ZMYND11: variants seen among roughly 807,000 people sequenced by gnomAD.
ZMYND11 encodes the protein zinc finger MYND-type containing 11, also known as zinc finger MYND domain-containing protein 11.
Under a neutral mutation model 84.9 loss-of-function variants are expected in ZMYND11, and 9 were observed. That is an observed-to-expected ratio of 0.11 (90% CI 0.06 to 0.18). ZMYND11 has a LOEUF of 0.18. Ranked by LOEUF, ZMYND11 falls within the 10% of genes least tolerant of loss-of-function variation. The pLI is 1.00. For synonymous variants in ZMYND11, 250 were observed against 244.1 expected, an observed-to-expected ratio of 1.02 and a Z score of -0.23; for missense variants, 409 against 761.0, an observed-to-expected ratio of 0.54 and a Z score of 5.44.
At position 249,822 on chromosome 10, in the gene ZMYND11, A is replaced by T. The variant is rs12258751; in HGVS notation, c.1686+734A>T. 214 of 911,102 alleles carry T rather than the reference A, an allele frequency of 2.3e-4. No individual in the cohort carries two copies. The African/African-American group carries it at 3.6e-3, about 15-fold the overall frequency. 56.4% of individuals were successfully genotyped at this position (911,102 alleles called of 1,614,324 possible). ...CTTCATTTTATCAAGCCTATATTAT[A>T]TAAATACACATAAGCTTTTCATGAA... is the stretch of plus-strand genomic sequence containing the variant. On this transcript the variant is annotated intron_variant, in intron 14 of 14. Coordinates refer to ENST00000381604, the MANE Select transcript of ZMYND11 (RefSeq NM_001370100.5).
chr10:136,844 G>T (rs1554752337), intron 1 of ZMYND11, among the ~76,000 whole-genome samples: 2 of 151,916 alleles, frequency 1.3e-5, no homozygotes, highest in African/African-American at 4.8e-5. Flanking sequence ...GCCCTTACGC[G>T]GTTCCCGGTA....
At chr10:154,651 A>G (rs1245689755) in intron 1 of ZMYND11, among the ~76,000 whole-genome samples, 12 of 152,204 alleles carry the variant, frequency 7.9e-5, no homozygotes, top group Non-Finnish European at 1.5e-4. Flanking sequence ...CAAATACATA[A>G]CCTGCAAATA....
At chr10:156,192 A>G (rs1244460344) in intron 1 of ZMYND11, among the ~76,000 whole-genome samples, 1 of 152,204 alleles carries the variant, frequency 6.6e-6, no homozygotes, top group African/African-American at 2.4e-5. Context: ...CCCCACAACC[A>G]AGAACCATTG....
intron 1 of ZMYND11, among the ~76,000 whole-genome samples, chr10:167,638 T>A (rs1455204480): frequency 1.3e-5 from 2 of 152,148 alleles, no homozygotes; most frequent in African/African-American, 4.8e-5. Context: ...AAGGGCTCTG[T>A]ATTGCCAGTT....
chr10:230,344 G>A (rs1329485958), intron 4 of ZMYND11, among the ~76,000 whole-genome samples: 1 of 151,898 alleles, frequency 6.6e-6, no homozygotes, highest in Non-Finnish European at 1.5e-5. Flanking sequence ...ATGCTGGTGC[G>A]TGCCTGTAGT....
At chr10:238,305 A>G (rs2131707694) in intron 6 of ZMYND11, among the ~76,000 whole-genome samples, 1 of 152,256 alleles carries the variant, frequency 6.6e-6, no homozygotes, top group East Asian at 1.9e-4. Context: ...ACGCTTGGTC[A>G]TTATAGCCTA....
At chr10:172,312 C>T (rs890287165) in intron 1 of ZMYND11, among the ~76,000 whole-genome samples, 1 of 152,158 alleles carries the variant, frequency 6.6e-6, no homozygotes, top group Non-Finnish European at 1.5e-5. Flanking sequence ...AGAAATAAAA[C>T]TGTCTTTGTT....
intron 1 of ZMYND11, among the ~76,000 whole-genome samples, chr10:169,902 A>G (rs557460441): frequency 1.3e-5 from 2 of 152,038 alleles, no homozygotes; most frequent in South Asian, 2.1e-4. Context: ...ATGCTTGACA[A>G]TTTCACCAGT....
chr10:193,714 C>T (rs1325253556), intron 2 of ZMYND11, among the ~76,000 whole-genome samples: 1 of 152,200 alleles, frequency 6.6e-6, no homozygotes, highest in Non-Finnish European at 1.5e-5. Flanking sequence ...TTTATCACCC[C>T]AAAAGTTCTT....
chr10:238,227 T>C (rs1409901821), intron 6 of ZMYND11, among the ~76,000 whole-genome samples: 1 of 152,232 alleles, frequency 6.6e-6, no homozygotes, highest in Non-Finnish European at 1.5e-5. Context: ...CGTAGACATA[T>C]TTGCAGTCAG....
chr10:210,383 T>G (rs562123695), intron 3 of ZMYND11, among the ~76,000 whole-genome samples: 1 of 152,326 alleles, frequency 6.6e-6, no homozygotes, highest in Admixed American at 6.5e-5. Flanking sequence ...CAGATAATGT[T>G]GATGCCATCT....
intron 1 of ZMYND11, among the ~76,000 whole-genome samples, chr10:179,227 G>A (rs558367631): frequency 4.5e-4 from 69 of 152,180 alleles, no homozygotes; most frequent in African/African-American, 7.9e-4. Context: ...ACTGCTCTCC[G>A]GACATCCAGG....
intron 12 of ZMYND11, 111 bp from the exon 13 acceptor site, chr10:248,225 T>C (rs10903752): frequency 0.32 from 441,629 of 1,377,496 alleles, 72,952 homozygotes; most frequent in East Asian, 0.5. Context: ...AACAGCAGTT[T>C]ATTCTATGGC....
chr10:179,380 A>G (rs1226664945), intron 1 of ZMYND11, among the ~76,000 whole-genome samples: 6 of 152,170 alleles, frequency 3.9e-5, no homozygotes, highest in African/African-American at 1.4e-4. Context: ...TAATAGTGTA[A>G]TAAATACCCC....
rs371452810 is a variant in ZMYND11, at chr10:185,984, G to A, written c.116+5856G>A. ...ACTGGACACATCAGAATAAATGGCA[G>A]TATCATCTTCAAACACAGGATTCTT... is the stretch of plus-strand genomic sequence containing the variant. On this transcript the variant is annotated intron_variant, in intron 2 of 14. Coordinates refer to ENST00000381604, the MANE Select transcript of ZMYND11 (RefSeq NM_001370100.5). Among the ~76,000 whole-genome samples, 17 of 151,756 alleles carry A rather than the reference G, an allele frequency of 1.1e-4. No individual in the cohort carries two copies. The East Asian group carries it at 2.1e-3, about 19-fold the overall frequency.
intron 1 of ZMYND11, among the ~76,000 whole-genome samples, chr10:170,606 T>C (rs782438039): frequency 5.3e-5 from 8 of 152,134 alleles, no homozygotes; most frequent in Non-Finnish European, 1.2e-4. Flanking sequence ...AGCAGTATAA[T>C]GTTATTCGAA....
chr10:252,817 G>T lies in ZMYND11; in HGVS notation c.*347G>T. 5.3e-6 allele frequency: 1 copy of T among 187,238 alleles called. No individual in the cohort carries two copies. Among genetic ancestry groups the T allele is most frequent in the Non-Finnish European group, 1.1e-5 (1 of 89,596 alleles). The allele number at this position is 187,238 out of a possible 1,614,324, so 11.6% of individuals were successfully genotyped here. A position where few individuals can be genotyped will look rare whatever the true frequency, so the allele number is the denominator to read the frequency against. Reference sequence around the variant, plus strand: ...GGTGAATACAAGTGAGTTTAACAAAGAAACATTTAGAATAGATCTGAATGT... The same window carrying T: ...GGTGAATACAAGTGAGTTTAACAAATAAACATTTAGAATAGATCTGAATGT... On this transcript the variant is annotated 3_prime_UTR_variant, in exon 15 of 15. Coordinates refer to ENST00000381604, the MANE Select transcript of ZMYND11 (RefSeq NM_001370100.5). This position sits in a 1 kb window ranked among gnomAD's most constrained non-coding sequence, Gnocchi z 4.6.
chr10:130,990 A>G (rs1554749870), upstream of ZMYND11, among the ~76,000 whole-genome samples: 1 of 152,094 alleles, frequency 6.6e-6, no homozygotes, highest in Non-Finnish European at 1.5e-5. Context: ...GGTGGCATGC[A>G]CCTGTGGTCC....
Position 191,281 on chromosome 10 carries a change from T to C in ZMYND11, c.116+11153T>C, listed in dbSNP as rs1940314171. 2.0e-5 allele frequency among the ~76,000 whole-genome samples: 3 copies of C among 152,356 alleles called. No individual in the cohort carries two copies. The South Asian group carries it at 6.2e-4, about 32-fold the overall frequency. ...ACTAAAATTTTCATATAGATCCATCTGATATTGGAGTCCAAGCTCTTAACC... is the reference window on the plus strand; with the variant it reads ...ACTAAAATTTTCATATAGATCCATCCGATATTGGAGTCCAAGCTCTTAACC... On this transcript the variant is annotated intron_variant, in intron 2 of 14. Transcript: ENST00000381604.
Sources: allele counts gnomAD v4.1 joint callset (sites outside exome capture counted in the v4.1 genomes callset), GRCh38; gene constraint gnomAD v4.1.1; non-coding constraint Gnocchi (gnomAD v3.1); transcripts MANE v1.5; gene names NCBI Gene and HGNC (gene_info 2026-07-23, HGNC 2026-07-21).